Variants in SYNE2 observed in about 807,000 individuals in gnomAD.
The protein encoded by SYNE2 is spectrin repeat containing nuclear envelope protein 2.
SYNE2 carries 431 observed loss-of-function variants against 856.3 expected under a neutral mutation model. That is an observed-to-expected ratio of 0.50 (90% CI 0.47 to 0.55). The LOEUF is 0.55. SYNE2 is among the 20% of genes least tolerant of loss of function. The pLI is 0.00. For missense variants in SYNE2, 8,129 were observed against 8,023.2 expected (o/e 1.01, Z -0.50); for synonymous variants, 2,923 against 2,872.3 (o/e 1.02, Z -0.56).
At position 64,163,829 on chromosome 14, in the gene SYNE2, T is replaced by A. The variant is rs545475013; in HGVS notation, c.16479+248T>A. Among the ~76,000 whole-genome samples the A allele has an allele frequency of 1.5e-3, 221 of 152,346 alleles. 1 individual carries two copies. The highest frequency in any genetic ancestry group is 5.1e-3 in the African/African-American group (211 of 41,590). Reference sequence around the variant, plus strand: ...TATTATATTGCATACATTGTTCAGATCTCACAGTTATTTGGATTTCTGAGT... The same window carrying A: ...TATTATATTGCATACATTGTTCAGAACTCACAGTTATTTGGATTTCTGAGT... On this transcript the variant is annotated intron_variant, in intron 89 of 115. Transcript: ENST00000555002.
chr14:64,010,019 A>G lies in SYNE2; in HGVS notation c.4631A>G (p.Lys1544Arg), dbSNP rs753724194. 8.7e-6 allele frequency: 14 copies of G among 1,613,968 alleles called. No homozygotes were observed. Among genetic ancestry groups the G allele is most frequent in the Non-Finnish European group, 1.2e-5 (14 of 1,179,976 alleles). The part of the protein sequence containing the change: ...LELLKQYQNF[K>R]SILTTLIQKE... ...CTCTTAAAACAATATCAGAATTTTA[A>G]AAGCATCTTGACAACTTTGATTCAA... Residue 1544 changes from lysine (K) to arginine (R), a missense_variant, in exon 32 of 116, where the codon AAA (lysine) becomes AGA (arginine). By Grantham distance (26) the Lys-to-Arg change is conservative. This residue lies in a region of SYNE2 where 2,422 missense variants were observed against 2,357.4 expected (regional missense o/e 1.03). Transcript: ENST00000555002.
Position 64,139,982 on chromosome 14 carries a change from C to T in SYNE2, c.14885C>T (p.Ser4962Phe). Residue 4962 changes from serine to phenylalanine, a missense_variant, in exon 80 of 116, where the codon TCT becomes TTT. Physicochemically the swap from Ser to Phe is radical, Grantham distance 155. Transcript: ENST00000555002. ...DSDQLTKWLE[S>F]SQHTLNYWKE... is the part of the protein sequence containing the mutation. ...GATCAGTTAACCAAGTGGTTGGAATCTTCCCAGCATACTCTGAATTACTGG... is the reference window on the plus strand; with the variant it reads ...GATCAGTTAACCAAGTGGTTGGAATTTTCCCAGCATACTCTGAATTACTGG... The T allele has an allele frequency of 1.2e-6, 2 of 1,614,074 alleles. No homozygotes were observed. The highest frequency in any genetic ancestry group is 1.7e-6 in the Non-Finnish European group (2 of 1,179,978).
At position 64,093,391 on chromosome 14, in the gene SYNE2, A is replaced by G; in HGVS notation, c.12019A>G (p.Asn4007Asp). 1 of 1,614,128 alleles carries G rather than the reference A, an allele frequency of 6.2e-7. No homozygotes were observed. The highest frequency in any genetic ancestry group is 8.5e-7 in the Non-Finnish European group (1 of 1,179,984). ...CAATGAATGGGATGAAGAAATAGAA[A>G]ATTTGAAACAGATCTTAAATAATTA... Reference protein sequence around the residue: ...QTNEWDEEIENLKQILNNYSA... With the variant: ...QTNEWDEEIEDLKQILNNYSA... Residue 4007 changes from asparagine to aspartate, a missense_variant, in exon 61 of 116, where the codon AAT becomes GAT. Asn to Asp is a conservative substitution (Grantham distance 23). Coordinates refer to ENST00000555002, the MANE Select transcript of SYNE2 (RefSeq NM_182914.3).
intron 108 of SYNE2, among the ~76,000 whole-genome samples, chr14:64,217,761 A>T (rs1372070600): frequency 1.3e-5 from 2 of 151,936 alleles, no homozygotes; most frequent in African/African-American, 4.8e-5. Context: ...TATTATTTTC[A>T]TTCTGCACAA....
intron 42 of SYNE2, 127 bp from the exon 43 acceptor site, chr14:64,027,357 A>G: frequency 8.1e-6 from 5 of 614,034 alleles, no homozygotes; most frequent in Non-Finnish European, 1.4e-5. Flanking sequence ...ATATCAAAAG[A>G]GTCTCTGGGA....
chr14:64,178,532 A>G (rs977229431), intron 96 of SYNE2, among the ~76,000 whole-genome samples: 3 of 152,160 alleles, frequency 2.0e-5, no homozygotes, highest in African/African-American at 7.2e-5. Flanking sequence ...GTCTCAGCTC[A>G]CTACAACCTC....
intron 1 of SYNE2, among the ~76,000 whole-genome samples, chr14:63,865,946 G>A (rs1012200487): frequency 6.6e-6 from 1 of 151,812 alleles, no homozygotes; most frequent in Non-Finnish European, 1.5e-5. Flanking sequence ...TGTTCCTTCT[G>A]ACCCTTTATC....
At chr14:63,902,783 T>C (rs1432770335) in intron 1 of SYNE2, among the ~76,000 whole-genome samples, 33 of 151,928 alleles carry the variant, frequency 2.2e-4, no homozygotes, top group Non-Finnish European at 2.9e-5. Context: ...AGCCTTGACC[T>C]CCTGGCCTCA....
chr14:63,966,073 A>T (rs541394109), intron 10 of SYNE2, among the ~76,000 whole-genome samples: 3 of 152,228 alleles, frequency 2.0e-5, no homozygotes, highest in Admixed American at 6.5e-5. Context: ...TAATGTTTTA[A>T]GTGACATTTA....
At chr14:64,100,553 T>TATAGATATATAG (rs2097719139) in intron 63 of SYNE2, among the ~76,000 whole-genome samples, 1 of 125,268 alleles carries the variant, frequency 8.0e-6, no homozygotes, top group Admixed American at 8.2e-5. Context: ...TATATATATA[T>TATAGATATATAG]ATATATATAT....
chr14:63,983,720 G>C lies in SYNE2; in HGVS notation c.2002-17G>C, dbSNP rs2096604008. ...TAAAAATATGAGTATTACATTTCAT[G>C]AAATTATTTTGTATAGGAAATGAAC... On this transcript the variant is annotated splice_polypyrimidine_tract_variant and intron_variant, in intron 17 of 115. Coordinates refer to ENST00000555002, the MANE Select transcript of SYNE2 (RefSeq NM_182914.3). 6.2e-7 allele frequency: 1 copy of C among 1,603,472 alleles called. No individual in the cohort carries two copies. Among genetic ancestry groups the C allele is most frequent in the Non-Finnish European group, 8.5e-7 (1 of 1,171,528 alleles).
At chr14:64,223,892 G>A (rs78824180) in intron 113 of SYNE2, among the ~76,000 whole-genome samples, 2,341 of 152,220 alleles carry the variant, frequency 0.015, 68 homozygotes, top group East Asian at 0.091. Context: ...CCTGTGATGA[G>A]CTCACCATCT....
At position 64,087,708 on chromosome 14, in the gene SYNE2, T is replaced by C; in HGVS notation, c.11522T>C (p.Leu3841Ser). The change falls in exon 58 of 116, where the codon TTA becomes TCA. Residue 3841 changes from leucine to serine, a missense_variant. Around this residue, in one of 3 missense-constraint regions of SYNE2, gnomAD observed 5,410 missense variants for 5,284.8 expected, o/e 1.02. Coordinates refer to ENST00000555002, the MANE Select transcript of SYNE2 (RefSeq NM_182914.3). ...GATTCAGAACAGAAGCACAATCTTT[T>C]ACATTCAATCTTTATGGATCTAGAA... ...LEDSEQKHNLLHSIFMDLEDL... is the reference protein window; with the variant it reads ...LEDSEQKHNLSHSIFMDLEDL... 6.2e-7 allele frequency: 1 copy of C among 1,614,200 alleles called. No individual in the cohort carries two copies. Among genetic ancestry groups the C allele is most frequent in the Admixed American group, 1.7e-5 (1 of 60,028 alleles).
rs2098703346 is a variant in SYNE2, at chr14:64,223,325, TCAAA to T, written c.20330_20333del (p.Lys6777SerfsTer10). On this transcript the variant is annotated frameshift_variant, in exon 113 of 116. Transcript: ENST00000555002. LOFTEE classifies it high-confidence loss of function. ...AAGGTGCATGTTATTGAGAAGAAAC[TCAAA>T]CAGTTACGGGAGCAAGTGTCCCAAG... The T allele has an allele frequency of 6.2e-7, 1 of 1,614,156 alleles. No homozygotes were observed. The highest frequency in any genetic ancestry group is 8.5e-7 in the Non-Finnish European group (1 of 1,180,014).
chr14:63,891,193 G>C (rs2095122156), intron 1 of SYNE2, among the ~76,000 whole-genome samples: 1 of 152,142 alleles, frequency 6.6e-6, no homozygotes, highest in Admixed American at 6.5e-5. Context: ...GTGGCTGGAG[G>C]CCCTGCCAAT....
intron 70 of SYNE2, 31 bp from the exon 71 acceptor site, chr14:64,125,048 G>C (rs576104925): frequency 1.2e-6 from 2 of 1,613,638 alleles, no homozygotes; most frequent in South Asian, 2.2e-5. Context: ...GTCTAAAACT[G>C]TCAGTAATAG....
intron 21 of SYNE2, among the ~76,000 whole-genome samples, 166 bp from the exon 22 acceptor site, chr14:63,993,669 C>G (rs752750381): frequency 1.3e-5 from 2 of 152,164 alleles, no homozygotes; most frequent in Non-Finnish European, 2.9e-5. Context: ...GGGCTAGCAA[C>G]CTCGATTTAC....
intron 1 of SYNE2, among the ~76,000 whole-genome samples, chr14:63,907,233 G>A (rs74323300): frequency 0.014 from 2,144 of 152,262 alleles, 47 homozygotes; most frequent in African/African-American, 0.049. Context: ...TCTCTTGAGA[G>A]TGGCATCCAG....
intron 74 of SYNE2, 138 bp from the exon 75 acceptor site, chr14:64,129,643 CA>C: frequency 8.3e-7 from 1 of 1,198,688 alleles, no homozygotes; most frequent in Admixed American, 2.1e-5. Flanking sequence ...TTAAGGAGAG[CA>C]GGAGGTGAGG....
Sources: gnomAD v4.1 joint callset for allele counts (sites outside exome capture counted in the v4.1 genomes callset) on GRCh38, gnomAD v4.1.1 for gene constraint, gnomAD v4.1.1 regional missense constraint, MANE v1.5 for transcripts, NCBI Gene and HGNC (gene_info 2026-07-23, HGNC 2026-07-21) for gene names.